Variants in BBS2 observed in about 807,000 individuals in gnomAD.
BBS2 encodes the protein BBSome complex member BBS2.
Under a neutral mutation model 83.0 loss-of-function variants are expected in BBS2, and 62 were observed. The ratio of observed to expected loss-of-function variants is 0.75; its 90% CI spans 0.61 to 0.92. The LOEUF (loss-of-function observed/expected upper bound fraction) is 0.92, where lower values mean the gene tolerates loss of function less well. Among genes scored for constraint, BBS2 ranks in the 40% least tolerant of loss-of-function variants. BBS2 has a pLI of 0.00. For synonymous variants in BBS2, 303 were observed against 326.1 expected, an observed-to-expected ratio of 0.93 and a Z score of 0.76; for missense variants, 784 against 901.0, an observed-to-expected ratio of 0.87 and a Z score of 1.66.
chr16:56,507,622 T>C (rs1273830084), intron 5 of BBS2, among the ~76,000 whole-genome samples: 3 of 152,018 alleles, frequency 2.0e-5, no homozygotes, highest in African/African-American at 7.2e-5. Flanking sequence ...AAGAATGTAA[T>C]GAAGGCTCCG....
intron 15 of BBS2, among the ~76,000 whole-genome samples, chr16:56,486,027 G>A (rs766386268): frequency 6.6e-6 from 1 of 152,232 alleles, no homozygotes. Flanking sequence ...GGACAAGTGA[G>A]CAAGGTGACA....
intron 15 of BBS2, among the ~76,000 whole-genome samples, chr16:56,487,286 C>T (rs1017348292): frequency 9.2e-5 from 14 of 151,578 alleles, no homozygotes; most frequent in Non-Finnish European, 1.8e-4. Context: ...GATAGAGAAA[C>T]TAGGGACCCT....
rs754625376 is a variant in BBS2 at position 56,500,984 on chromosome 16, A to G, written c.1267T>C (p.Phe423Leu). The G allele has an allele frequency of 3.1e-6, 5 of 1,614,182 alleles. No individual in the cohort carries two copies. Among genetic ancestry groups the G allele is most frequent in the Admixed American group, 1.7e-5 (1 of 60,020 alleles). The change falls in exon 11 of 17, where the codon TTT becomes CTT. Residue 423 changes from phenylalanine to leucine, a missense_variant. By Grantham distance (22) the Phe-to-Leu change is conservative (BLOSUM62 0). Transcript: ENST00000245157. ...RAVLIFAEGI[F>L]TGESHVVHPS... Reference sequence around the variant, plus strand: ...TGTACCACGTGGCTTTCACCTGTAAAAATTCCTTCTGCAAAAATCAATACT... The same window carrying G: ...TGTACCACGTGGCTTTCACCTGTAAGAATTCCTTCTGCAAAAATCAATACT...
intron 17 of BBS2, chr16:56,476,274 A>G: frequency 6.8e-7 from 1 of 1,475,058 alleles, no homozygotes; most frequent in East Asian, 2.3e-5. Context: ...AGAGCTAAGC[A>G]TGGAGTCAAG....
chr16:56,512,970 T>G (rs965224203), intron 2 of BBS2, among the ~76,000 whole-genome samples: 1 of 152,166 alleles, frequency 6.6e-6, no homozygotes, highest in Non-Finnish European at 1.5e-5. Flanking sequence ...CTGGCCAACA[T>G]AGTGAGACCC....
chr16:56,484,739 T>G lies in BBS2; in HGVS notation c.*22A>C. The G allele has an allele frequency of 6.2e-7, 1 of 1,604,046 alleles. No individual in the cohort carries two copies. The highest frequency in any genetic ancestry group is 8.5e-7 in the Non-Finnish European group (1 of 1,171,112). ...TAACAGAAAATCTTTGCCAGGAACT[T>G]CATGACCTGTATTTTCCTCACCTAG... On this transcript the variant is annotated 3_prime_UTR_variant, in exon 17 of 17. Coordinates refer to ENST00000245157, the MANE Select transcript of BBS2 (RefSeq NM_031885.5).
chr16:56,510,980 A>G (rs1964560813), intron 3 of BBS2, 59 bp from the exon 4 acceptor site: 2 of 1,591,254 alleles, frequency 1.3e-6, no homozygotes, highest in Non-Finnish European at 1.7e-6. Context: ...CTCCAAATAT[A>G]TTAGCTACAT....
chr16:56,476,439 T>A, intron 17 of BBS2: 1 of 343,624 alleles, frequency 2.9e-6, no homozygotes, highest in Non-Finnish European at 5.2e-6. Flanking sequence ...TTTTTAACAT[T>A]TAGTCCTTTT....
At chr16:56,502,572 A>G in intron 8 of BBS2, 101 bp downstream of exon 8, 2 of 1,609,848 alleles carry the variant, frequency 1.2e-6, no homozygotes, top group Non-Finnish European at 1.7e-6. Flanking sequence ...TATTAGAACT[A>G]CAGGATCTCG....
chr16:56,509,868 G>T, intron 5 of BBS2, 89 bp downstream of exon 5: 2 of 1,394,628 alleles, frequency 1.4e-6, no homozygotes, highest in East Asian at 2.3e-5. Context: ...TGGGTTTGGA[G>T]ATGCCCCAGC....
chr16:56,493,772 G>C (rs1460508259), intron 15 of BBS2, among the ~76,000 whole-genome samples: 2 of 152,178 alleles, frequency 1.3e-5, no homozygotes, highest in Non-Finnish European at 2.9e-5. Flanking sequence ...ATGATTTTAA[G>C]ATACAGTAAT....
downstream of BBS2, chr16:56,470,403 T>TA: frequency 8.1e-7 from 1 of 1,239,904 alleles, no homozygotes; most frequent in Non-Finnish European, 1.1e-6. Context: ...GGAAGAGAGG[T>TA]ACAAAGCTAA....
intron 17 of BBS2, chr16:56,476,385 T>C: frequency 2.3e-6 from 1 of 427,468 alleles, no homozygotes; most frequent in Non-Finnish European, 4.0e-6. Flanking sequence ...AGCTTGCAGC[T>C]AAGTACTTAT....
At chr16:56,512,971 A>AC (rs1452592357) in intron 2 of BBS2, among the ~76,000 whole-genome samples, 2 of 152,136 alleles carry the variant, frequency 1.3e-5, no homozygotes, top group Non-Finnish European at 2.9e-5. Context: ...TGGCCAACAT[A>AC]GTGAGACCCT....
At chr16:56,500,486 C>T (rs1219641355) in intron 11 of BBS2, 6 of 261,810 alleles carry the variant, frequency 2.3e-5, no homozygotes, top group Admixed American at 1.5e-4. Context: ...ATTAGCTGGG[C>T]GTGGTGGTGG....
rs748997595 is a variant in BBS2 at position 56,500,854 on chromosome 16, C to T, written c.1397G>A (p.Ser466Asn). 6.2e-7 allele frequency: 1 copy of T among 1,613,972 alleles called. No individual in the cohort carries two copies. Among genetic ancestry groups the T allele is most frequent in the Non-Finnish European group, 8.5e-7 (1 of 1,179,964 alleles). ...TGAACTGTGACTTGCAAAGGGTCAC[C>T]TGCTTCTGTAACCCACGAATGCCTT... ...HLKAFVGYRSSTQFHVFESTR... is the reference protein window; with the variant it reads ...HLKAFVGYRSNTQFHVFESTR... The change falls in exon 11 of 17, where the codon AGC becomes AAC. Residue 466 changes from serine to asparagine, a missense_variant and splice_region_variant. Transcript: ENST00000245157.
intron 7 of BBS2, 64 bp downstream of exon 7, chr16:56,505,886 C>T (rs1203986662): frequency 1.6e-6 from 2 of 1,258,356 alleles, no homozygotes; most frequent in East Asian, 4.6e-5. Context: ...CTAAGTCCTA[C>T]AGCCAATACA....
intron 7 of BBS2, among the ~76,000 whole-genome samples, chr16:56,503,919 CAA>C (rs11379537): frequency 1.5e-4 from 16 of 109,164 alleles, no homozygotes; most frequent in East Asian, 5.5e-4. Flanking sequence ...ACTCCAGTCT[CAA>C]AAAAAAAAAA....
chr16:56,510,982 T>C, intron 3 of BBS2, 61 bp from the exon 4 acceptor site: 2 of 1,589,958 alleles, frequency 1.3e-6, no homozygotes, highest in South Asian at 2.2e-5. Context: ...CCAAATATAT[T>C]AGCTACATGA....
Sources: gnomAD v4.1 joint callset for allele counts (sites outside exome capture counted in the v4.1 genomes callset) on GRCh38, gnomAD v4.1.1 for gene constraint, MANE v1.5 for transcripts, NCBI Gene and HGNC (gene_info 2026-07-23, HGNC 2026-07-21) for gene names.